Variants in ZMIZ1 observed in about 807,000 individuals in gnomAD.
ZMIZ1 encodes the protein zinc finger MIZ-type containing 1.
ZMIZ1 carries 17 observed loss-of-function variants against 113.9 expected under a neutral mutation model. The ratio of observed to expected loss-of-function variants is 0.15; its 90% CI spans 0.10 to 0.22. The LOEUF is 0.22. ZMIZ1 is among the 10% of genes least tolerant of loss of function. The pLI, the probability that ZMIZ1 is intolerant of heterozygous loss-of-function variation, is 1.00. For synonymous variants in ZMIZ1, 607 were observed against 603.1 expected (o/e 1.01, Z -0.09); for missense variants, 1,059 against 1,477.8 (o/e 0.72, Z 4.65).
chr10:79,289,651 G>A (rs960898265), intron 8 of ZMIZ1, 124 bp from the exon 9 acceptor site: 14 of 825,252 alleles, frequency 1.7e-5, no homozygotes, highest in South Asian at 5.0e-5. Context: ...GTCCAGTACC[G>A]ACTCGGATGG....
chr10:79,297,511 T>C, intron 13 of ZMIZ1, 102 bp from the exon 14 acceptor site: 1 of 977,854 alleles, frequency 1.0e-6, no homozygotes, highest in South Asian at 1.3e-5. Flanking sequence ...TGGGCCCCTG[T>C]AGCATCCCCG....
chr10:79,242,544 CCCCTCCCCT>C, intron 7 of ZMIZ1, among the ~76,000 whole-genome samples: 2 of 135,138 alleles, frequency 1.5e-5, no homozygotes, highest in African/African-American at 6.6e-5. Flanking sequence ...GCCCCGCCCT[CCCCTCCCCT>C]CCCCTCCCCT....
chr10:79,241,375 C>G (rs1484715561), intron 7 of ZMIZ1, among the ~76,000 whole-genome samples: 1 of 152,090 alleles, frequency 6.6e-6, no homozygotes, highest in African/African-American at 2.4e-5. Context: ...GTGAATGTCT[C>G]AGTGAGTAAA....
At chr10:79,135,527 C>A (rs1215503644) in intron 2 of ZMIZ1, among the ~76,000 whole-genome samples, 1 of 152,256 alleles carries the variant, frequency 6.6e-6, no homozygotes, top group Non-Finnish European at 1.5e-5. Context: ...CCTGTTTCCC[C>A]TGGCATTGAT....
chr10:79,210,741 A>G (rs1260211451), intron 6 of ZMIZ1, among the ~76,000 whole-genome samples: 1 of 152,226 alleles, frequency 6.6e-6, no homozygotes, highest in Non-Finnish European at 1.5e-5. Context: ...AAGTCTGGGC[A>G]TTATTTGGAG....
intron 7 of ZMIZ1, among the ~76,000 whole-genome samples, chr10:79,255,002 G>T (rs935217131): frequency 2.0e-5 from 3 of 152,202 alleles, no homozygotes; most frequent in Non-Finnish European, 2.9e-5. Flanking sequence ...ACCCCGCAGG[G>T]CTGTGGGCCT....
At chr10:79,172,359 T>G (rs1846636949) in intron 4 of ZMIZ1, among the ~76,000 whole-genome samples, 1 of 152,008 alleles carries the variant, frequency 6.6e-6, no homozygotes, top group Non-Finnish European at 1.5e-5. Flanking sequence ...AGGAGGAAAA[T>G]GAGCACCTGT....
In ZMIZ1 at chr10:79,139,736, A is replaced by C. The variant is rs1845180293; in HGVS notation, c.-172A>C. ...GACCAATGCTGCAAGGGGTGTGAGG[A>C]GAGGAGCCGCTGTTTTTCACTGAGC... On this transcript the variant is annotated 5_prime_UTR_variant, in exon 3 of 25. Transcript: ENST00000334512. 1 of 398,698 alleles carries C rather than the reference A, an allele frequency of 2.5e-6. No homozygotes were observed. Among genetic ancestry groups the C allele is most frequent in the Non-Finnish European group, 4.4e-6 (1 of 226,200 alleles). 24.7% of individuals were successfully genotyped at this position (398,698 alleles called of 1,614,324 possible).
intron 1 of ZMIZ1, among the ~76,000 whole-genome samples, chr10:79,113,823 G>A (rs1747653806): frequency 6.6e-6 from 1 of 152,000 alleles, no homozygotes; most frequent in African/African-American, 2.4e-5. Context: ...CTATCACAGT[G>A]TAGTATATTC....
chr10:79,293,397 C>G lies in ZMIZ1; in HGVS notation c.974C>G (p.Ala325Gly). ...TCTTTCCAGATGGGTCCCACCCAGG[C>G]GTATAACAGCCAATTCATGAACCAG... is the stretch of plus-strand genomic sequence containing the variant. Reference protein sequence around the residue: ...NQYGPMGPTQAYNSQFMNQPG... With the variant: ...NQYGPMGPTQGYNSQFMNQPG... The change falls in exon 12 of 25, where the codon GCG becomes GGG. Residue 325 changes from alanine to glycine, a missense_variant. Coordinates refer to ENST00000334512, the MANE Select transcript of ZMIZ1 (RefSeq NM_020338.4). 3 of 1,517,086 alleles carry G rather than the reference C, an allele frequency of 2.0e-6. No homozygotes were observed. The highest frequency in any genetic ancestry group is 2.6e-5 in the South Asian group (2 of 75,666). 94.0% of individuals were successfully genotyped at this position (1,517,086 alleles called of 1,614,324 possible).
intron 3 of ZMIZ1, among the ~76,000 whole-genome samples, chr10:79,146,969 TG>T (rs1303988617): frequency 7.4e-6 from 1 of 134,336 alleles, no homozygotes; most frequent in Non-Finnish European, 1.7e-5. Context: ...TGTGTGTGTG[TG>T]TGTATATCCC....
intron 4 of ZMIZ1, among the ~76,000 whole-genome samples, chr10:79,181,831 C>T (rs563815375): frequency 2.6e-5 from 4 of 152,314 alleles, no homozygotes; most frequent in Admixed American, 1.3e-4. Flanking sequence ...CCTGACTTGG[C>T]GGCTGCATGT....
chr10:79,240,638 CTTTTTT>C (rs56903717), intron 7 of ZMIZ1, among the ~76,000 whole-genome samples: 23 of 55,324 alleles, frequency 4.2e-4, no homozygotes, highest in Middle Eastern at 0.018. Context: ...GAGTATTTAT[CTTTTTT>C]TTTTTTTTTT....
rs1474635339 is a variant in ZMIZ1, at chr10:79,069,892, G to A, written c.-337+622G>A. 2.0e-5 allele frequency among the ~76,000 whole-genome samples: 3 copies of A among 151,960 alleles called. No homozygotes were observed. Among genetic ancestry groups the A allele is most frequent in the Admixed American group, 2.0e-4 (3 of 15,264 alleles). Reference sequence around the variant, plus strand: ...GGCGCGCGGTACAAACGAGAAACGCGGAGGTGTGTGTGCAGGGTTTTCTCC... The same window carrying A: ...GGCGCGCGGTACAAACGAGAAACGCAGAGGTGTGTGTGCAGGGTTTTCTCC... On this transcript the variant is annotated intron_variant, in intron 1 of 24. Transcript: ENST00000334512. This position sits in a 1 kb window ranked among gnomAD's most constrained non-coding sequence, Gnocchi z 4.6.
intron 4 of ZMIZ1, among the ~76,000 whole-genome samples, chr10:79,174,142 G>A (rs946191907): frequency 1.3e-5 from 2 of 152,184 alleles, no homozygotes; most frequent in African/African-American, 4.8e-5. Flanking sequence ...TTGCTGAAGC[G>A]GCCAGCACAG....
intron 6 of ZMIZ1, among the ~76,000 whole-genome samples, chr10:79,212,220 C>T (rs1384245974): frequency 1.3e-5 from 2 of 151,968 alleles, no homozygotes; most frequent in African/African-American, 4.8e-5. Context: ...TGCAGTGGCA[C>T]GATCATTGCT....
chr10:79,103,766 T>A (rs1355060547), intron 1 of ZMIZ1, among the ~76,000 whole-genome samples: 1 of 152,062 alleles, frequency 6.6e-6, no homozygotes, highest in African/African-American at 2.4e-5. Context: ...GGCGAGTGCT[T>A]CCCTGGGGGC....
intron 3 of ZMIZ1, among the ~76,000 whole-genome samples, chr10:79,159,778 A>G (rs1462913506): frequency 2.0e-5 from 3 of 152,146 alleles, no homozygotes; most frequent in African/African-American, 7.2e-5. Flanking sequence ...CCTGAGTTCA[A>G]ATTCTAGCAC....
At position 79,292,346 on chromosome 10, in the gene ZMIZ1, A is replaced by C; in HGVS notation, c.947A>C (p.Gln316Pro). ...GAGACACAGAACAAGGATATAAACC[A>C]GTATGGACCGGTAAGGGTTCCCACT... is the stretch of plus-strand genomic sequence containing the variant. ...LQETQNKDIN[Q>P]YGPMGPTQAY... Residue 316 changes from glutamine (Q) to proline (P), a missense_variant, in exon 11 of 25, where the codon CAG becomes CCG. By Grantham distance (76) the Gln-to-Pro change is moderately conservative. This residue lies in a region of ZMIZ1 where 83 missense variants were observed against 103.7 expected (regional missense o/e 0.80). Coordinates refer to ENST00000334512, the MANE Select transcript of ZMIZ1 (RefSeq NM_020338.4). 1.2e-6 allele frequency: 2 copies of C among 1,606,996 alleles called. No individual in the cohort carries two copies. The highest frequency in any genetic ancestry group is 1.7e-6 in the Non-Finnish European group (2 of 1,174,562).
Sources: allele counts gnomAD v4.1 joint callset (sites outside exome capture counted in the v4.1 genomes callset), GRCh38; gene constraint gnomAD v4.1.1; regional missense constraint gnomAD v4.1.1; non-coding constraint Gnocchi (gnomAD v3.1); transcripts MANE v1.5; gene names NCBI Gene and HGNC (gene_info 2026-07-23, HGNC 2026-07-21).